The following KIRREL3 variants were observed in gnomAD, a reference collection of about 807,000 sequenced individuals.
KIRREL3 encodes the protein kin of IRRE-like protein 3.
Under a neutral mutation model 89.7 loss-of-function variants are expected in KIRREL3, and 36 were observed. The ratio of observed to expected loss-of-function variants is 0.40; its 90% CI spans 0.31 to 0.53. KIRREL3 has a LOEUF of 0.53. Ranked by LOEUF, KIRREL3 falls within the 20% of genes least tolerant of loss-of-function variation. The pLI is 0.49. For missense variants in KIRREL3, 864 were observed against 1,056.6 expected, an observed-to-expected ratio of 0.82 and a Z score of 2.53; for synonymous variants, 445 against 441.4, an observed-to-expected ratio of 1.01 and a Z score of -0.10.
chr11:126,928,263 CA>C (rs1483351362), intron 1 of KIRREL3, among the ~76,000 whole-genome samples: 2 of 152,198 alleles, frequency 1.3e-5, no homozygotes, highest in African/African-American at 4.8e-5. Flanking sequence ...GAACAAAGCT[CA>C]GATATCTGGA....
intron 4 of KIRREL3, among the ~76,000 whole-genome samples, chr11:126,504,978 C>A (rs575708052): frequency 2.0e-5 from 3 of 152,174 alleles, no homozygotes; most frequent in Non-Finnish European, 4.4e-5. Flanking sequence ...AAACTCTCAA[C>A]AAAGTAGGAA....
intron 1 of KIRREL3, among the ~76,000 whole-genome samples, chr11:126,958,396 C>G (rs755013806): frequency 9.2e-5 from 14 of 152,210 alleles, no homozygotes; most frequent in Non-Finnish European, 1.6e-4. Context: ...TCCTCTGGCC[C>G]AGGGGGGCCC....
intron 1 of KIRREL3, among the ~76,000 whole-genome samples, chr11:126,813,462 A>C (rs190196749): frequency 6.6e-6 from 1 of 152,280 alleles, no homozygotes. Flanking sequence ...TTTTGGTTAA[A>C]AAGTTATAAA....
At chr11:126,803,945 A>T (rs755059221) in intron 1 of KIRREL3, among the ~76,000 whole-genome samples, 1 of 152,248 alleles carries the variant, frequency 6.6e-6, no homozygotes, top group Non-Finnish European at 1.5e-5. Flanking sequence ...GACATAGCTG[A>T]GTGGTACCTT....
Position 126,473,444 on chromosome 11 carries a change from G to T in KIRREL3, c.456C>A (p.Ile152=). Residue 152 remains isoleucine (I), a synonymous_variant, in exon 5 of 17, where the codon ATC becomes ATA. Transcript: ENST00000525144. ...TVLVPPDDPV[I]LGGPVISLRA... is the part of the protein sequence containing the mutation. Reference sequence around the variant, plus strand: ...GCAGGCTGATCACAGGGCCCCCCAGGATGACGGGGTCATCAGGCGGCACTG... The same window carrying T: ...GCAGGCTGATCACAGGGCCCCCCAGTATGACGGGGTCATCAGGCGGCACTG... 1 of 1,566,210 alleles carries T rather than the reference G, an allele frequency of 6.4e-7. No homozygotes were observed. The highest frequency in any genetic ancestry group is 1.2e-5 in the South Asian group (1 of 86,548).
rs1157506660 is a variant in KIRREL3, at chr11:126,724,566, G to C, written c.56-161654C>G. On this transcript the variant is annotated intron_variant, in intron 1 of 16. Transcript: ENST00000525144. The surrounding 1 kb of genome is among the most constrained non-coding windows in gnomAD (Gnocchi z 4.3). Reference sequence around the variant, plus strand: ...CATGAATTTCCAGCTGAAGCAACACGTTTCTGTCCCCAAGGGATGAAGAAG... The same window carrying C: ...CATGAATTTCCAGCTGAAGCAACACCTTTCTGTCCCCAAGGGATGAAGAAG... Among the ~76,000 whole-genome samples the C allele has an allele frequency of 6.6e-6, 1 of 152,306 alleles. No individual in the cohort carries two copies. Among genetic ancestry groups the C allele is most frequent in the Middle Eastern group, 3.4e-3 (1 of 294 alleles).
upstream of KIRREL3, chr11:127,000,920 C>T (rs944620451): frequency 4.1e-5 from 15 of 369,476 alleles, no homozygotes; most frequent in Admixed American, 1.8e-4. The surrounding 1 kb of genome is among the most constrained non-coding windows in gnomAD (Gnocchi z 7.1). Context: ...AAAGAGGAAA[C>T]ACTCGGAAAA....
At chr11:126,864,087 A>G (rs1944840604) in intron 1 of KIRREL3, among the ~76,000 whole-genome samples, 1 of 152,372 alleles carries the variant, frequency 6.6e-6, no homozygotes, top group South Asian at 2.1e-4. Context: ...TTGGCTGAAG[A>G]GAGGGTCTGA....
At chr11:126,670,164 T>C (rs1945871962) in intron 1 of KIRREL3, among the ~76,000 whole-genome samples, 1 of 152,194 alleles carries the variant, frequency 6.6e-6, no homozygotes, top group Non-Finnish European at 1.5e-5. Context: ...CCAACTGGTC[T>C]CCCTGCTTCT....
rs1185248926 is a variant in KIRREL3 at position 126,837,595 on chromosome 11, A to G, written c.55+162860T>C. Among the ~76,000 whole-genome samples the G allele has an allele frequency of 6.6e-6, 1 of 152,134 alleles. No individual in the cohort carries two copies. Among genetic ancestry groups the G allele is most frequent in the Non-Finnish European group, 1.5e-5 (1 of 68,030 alleles). The stretch of plus-strand genomic sequence containing the variant: ...CAATCCTCGCTACATCCAGGAACTT[A>G]CTCTGCTGTGAAAGTGTCACAGCAA... On this transcript the variant is annotated intron_variant, in intron 1 of 16. Transcript: ENST00000525144. This position sits in a 1 kb window ranked among gnomAD's most constrained non-coding sequence, Gnocchi z 4.7.
intron 1 of KIRREL3, among the ~76,000 whole-genome samples, chr11:126,921,950 C>T (rs1293545315): frequency 6.7e-6 from 1 of 149,458 alleles, no homozygotes; most frequent in South Asian, 2.1e-4. Flanking sequence ...GTCTTCCTAT[C>T]ATCTGTATAT....
chr11:126,926,697 C>A (rs533714696), intron 1 of KIRREL3, among the ~76,000 whole-genome samples: 8 of 152,288 alleles, frequency 5.3e-5, no homozygotes, highest in Non-Finnish European at 8.8e-5. Flanking sequence ...ATGAGCATTT[C>A]CCCCCTGCTC....
In KIRREL3 at chr11:126,776,318, G is replaced by A. The variant is rs1398564430; in HGVS notation, c.56-213406C>T. Among the ~76,000 whole-genome samples the A allele has an allele frequency of 6.6e-6, 1 of 152,208 alleles. No homozygotes were observed. Among genetic ancestry groups the A allele is most frequent in the Non-Finnish European group, 1.5e-5 (1 of 68,034 alleles). ...CGGTGGAGTTTGCTGAAGTGCCATG[G>A]AGGGAACACTAGCCTGAGAGTCAAA... On this transcript the variant is annotated intron_variant, in intron 1 of 16. Transcript: ENST00000525144. This position sits in a 1 kb window ranked among gnomAD's most constrained non-coding sequence, Gnocchi z 4.7.
At chr11:126,717,766 G>C (rs1948023115) in intron 1 of KIRREL3, among the ~76,000 whole-genome samples, 1 of 152,200 alleles carries the variant, frequency 6.6e-6, no homozygotes, top group Non-Finnish European at 1.5e-5. Context: ...TTTCTGCCGA[G>C]CCTCAGCATC....
Position 126,686,705 on chromosome 11 carries a change from A to G in KIRREL3, c.56-123793T>C, listed in dbSNP as rs1223876584. On this transcript the variant is annotated intron_variant, in intron 1 of 16. Transcript: ENST00000525144. This position sits in a 1 kb window ranked among gnomAD's most constrained non-coding sequence, Gnocchi z 4.7. The stretch of plus-strand genomic sequence containing the variant: ...AGCAGTTCTCCTGCCTCAGCCTCCC[A>G]AGTAGCTGGGATTATAAGTGTCTGC... Among the ~76,000 whole-genome samples the G allele has an allele frequency of 6.6e-6, 1 of 151,974 alleles. No individual in the cohort carries two copies. The highest frequency in any genetic ancestry group is 1.5e-5 in the Non-Finnish European group (1 of 67,998).
At chr11:126,933,290 C>T (rs1226114309) in intron 1 of KIRREL3, among the ~76,000 whole-genome samples, 4 of 151,952 alleles carry the variant, frequency 2.6e-5, no homozygotes, top group African/African-American at 7.3e-5. Flanking sequence ...TTTCTTTATC[C>T]TTACTCCTTG....
In KIRREL3 at chr11:126,568,029, C is replaced by T. The variant is rs1473322632; in HGVS notation, c.56-5117G>A. The stretch of plus-strand genomic sequence containing the variant: ...AAGACTAACCCCTTCCCACCTGAAG[C>T]TAGTAGACTCGAGCACGTCTCTGGA... On this transcript the variant is annotated intron_variant, in intron 1 of 16. Coordinates refer to ENST00000525144, the MANE Select transcript of KIRREL3 (RefSeq NM_032531.4). This position sits in a 1 kb window ranked among gnomAD's most constrained non-coding sequence, Gnocchi z 4.6. Among the ~76,000 whole-genome samples the T allele has an allele frequency of 6.6e-6, 1 of 152,060 alleles. No individual in the cohort carries two copies. Among genetic ancestry groups the T allele is most frequent in the African/African-American group, 2.4e-5 (1 of 41,442 alleles).
At chr11:126,472,154 G>A (rs989719924) in intron 5 of KIRREL3, among the ~76,000 whole-genome samples, 3 of 152,204 alleles carry the variant, frequency 2.0e-5, no homozygotes, top group Admixed American at 6.5e-5. Context: ...AGTATGGCTT[G>A]TGAGTATGTC....
In KIRREL3 at chr11:126,843,258, T is replaced by C. The variant is rs1944024320; in HGVS notation, c.55+157197A>G. On this transcript the variant is annotated intron_variant, in intron 1 of 16. Coordinates refer to ENST00000525144, the MANE Select transcript of KIRREL3 (RefSeq NM_032531.4). The surrounding 1 kb of genome is among the most constrained non-coding windows in gnomAD (Gnocchi z 4.6). ...AAACCCACTGATGCAGTTCAAACTG[T>C]GTCCCCATCAGTATGAAAGGCAAGT... Among the ~76,000 whole-genome samples, 1 of 152,162 alleles carries C rather than the reference T, an allele frequency of 6.6e-6. No individual in the cohort carries two copies. Among genetic ancestry groups the C allele is most frequent in the Non-Finnish European group, 1.5e-5 (1 of 68,032 alleles).
Sources: gnomAD v4.1 joint callset for allele counts (sites outside exome capture counted in the v4.1 genomes callset) on GRCh38, gnomAD v4.1.1 for gene constraint, Gnocchi (gnomAD v3.1) non-coding constraint, MANE v1.5 for transcripts, NCBI Gene and HGNC (gene_info 2026-07-23, HGNC 2026-07-21) for gene names.